RTN4RL2: variants seen among roughly 807,000 people sequenced by gnomAD.
The protein encoded by RTN4RL2 is reticulon-4 receptor-like 2.
RTN4RL2 carries 9 observed loss-of-function variants against 27.8 expected under a neutral mutation model. That is an observed-to-expected ratio of 0.32 (90% CI 0.20 to 0.57). RTN4RL2 has a LOEUF of 0.57. RTN4RL2 is among the 20% of genes least tolerant of loss of function. RTN4RL2 has a pLI of 0.90. For missense variants in RTN4RL2, 436 were observed against 596.8 expected (o/e 0.73, Z 2.81); for synonymous variants, 285 against 297.9 (o/e 0.96, Z 0.45).
At chr11:57,469,925 G>A (rs980817420) in intron 2 of RTN4RL2, among the ~76,000 whole-genome samples, 3 of 152,164 alleles carry the variant, frequency 2.0e-5, no homozygotes, top group South Asian at 2.1e-4. Flanking sequence ...CGGTGTGACC[G>A]GAGGCTTATG....
chr11:57,460,710 C>A lies in RTN4RL2; in HGVS notation c.-156C>A. On this transcript the variant is annotated 5_prime_UTR_variant, in exon 1 of 3. Coordinates refer to ENST00000335099, the MANE Select transcript of RTN4RL2 (RefSeq NM_178570.3). ...CTCCTCCCGAGGCCCGCAGCCCGGG[C>A]GGCGCAGGGTAGAGCGCCGCGGCCC... 1 of 340,610 alleles carries A rather than the reference C, an allele frequency of 2.9e-6. No individual in the cohort carries two copies. The highest frequency in any genetic ancestry group is 4.5e-5 in the East Asian group (1 of 22,374). 21.1% of individuals were successfully genotyped at this position (340,610 alleles called of 1,614,324 possible).
rs1424187305 is a variant in RTN4RL2, at chr11:57,467,760, C to T, written c.183C>T (p.Ser61=). Residue 61 remains serine (S), a synonymous_variant, in exon 2 of 3, where the codon AGC becomes AGT. Transcript: ENST00000335099. This position sits in a 1 kb window ranked among gnomAD's most constrained non-coding sequence, Gnocchi z 5.5. ...FSSVPLSLPP[S]TQRLFLQNNL... ...CTGTGCCGCTGTCCCTGCCACCCAGCACTCAGCGACTCTTCCTGCAGAACA... is the reference window on the plus strand; with the variant it reads ...CTGTGCCGCTGTCCCTGCCACCCAGTACTCAGCGACTCTTCCTGCAGAACA... 1 of 1,614,066 alleles carries T rather than the reference C, an allele frequency of 6.2e-7. No homozygotes were observed. Among genetic ancestry groups the T allele is most frequent in the African/African-American group, 1.3e-5 (1 of 75,036 alleles).
At chr11:57,465,419 C>T (rs1011296950) in intron 1 of RTN4RL2, among the ~76,000 whole-genome samples, 1 of 152,242 alleles carries the variant, frequency 6.6e-6, no homozygotes. Flanking sequence ...CTCAGTCTCT[C>T]CCAGGGTCTC....
chr11:57,467,579 C>T lies in RTN4RL2; in HGVS notation c.32-30C>T. On this transcript the variant is annotated intron_variant, in intron 1 of 2. Transcript: ENST00000335099. The surrounding 1 kb of genome is among the most constrained non-coding windows in gnomAD (Gnocchi z 5.5). The stretch of plus-strand genomic sequence containing the variant: ...CTGGCACTCCTGCCCTGGAAGCCCA[C>T]CTAGTAAGTTCTGCTTCCCCTCCCC... The T allele has an allele frequency of 6.4e-7, 1 of 1,573,448 alleles. No homozygotes were observed. The highest frequency in any genetic ancestry group is 8.6e-7 in the Non-Finnish European group (1 of 1,159,810).
chr11:57,468,422 C>G, intron 2 of RTN4RL2: 4 of 762,660 alleles, frequency 5.2e-6, no homozygotes, highest in Non-Finnish European at 8.5e-6. Flanking sequence ...ACTTGCCTCC[C>G]CCATCTGTCT....
chr11:57,470,639 C>G (rs1294428808), intron 2 of RTN4RL2, among the ~76,000 whole-genome samples: 3 of 150,444 alleles, frequency 2.0e-5, no homozygotes, highest in Non-Finnish European at 4.4e-5. Context: ...CACATATGGG[C>G]ACTATAATAA....
At chr11:57,470,549 T>A (rs1943556400) in intron 2 of RTN4RL2, among the ~76,000 whole-genome samples, 1 of 152,062 alleles carries the variant, frequency 6.6e-6, no homozygotes, top group Non-Finnish European at 1.5e-5. Flanking sequence ...GCCCAGCCAA[T>A]AATAATCCTT....
intron 1 of RTN4RL2, among the ~76,000 whole-genome samples, chr11:57,463,852 A>G (rs1590729959): frequency 2.0e-5 from 3 of 151,358 alleles, no homozygotes; most frequent in Admixed American, 1.3e-4. Context: ...TAGTCCCCCA[A>G]CCCCCCAGTC....
chr11:57,466,070 G>A (rs1262543093), intron 1 of RTN4RL2, among the ~76,000 whole-genome samples: 8 of 145,214 alleles, frequency 5.5e-5, no homozygotes, highest in South Asian at 4.4e-4. Flanking sequence ...GTGCGATCTC[G>A]GCTCACTGCA....
intron 1 of RTN4RL2, among the ~76,000 whole-genome samples, chr11:57,463,940 C>T (rs980366896): frequency 1.3e-5 from 2 of 152,220 alleles, no homozygotes; most frequent in African/African-American, 4.8e-5. Context: ...CCTCCCCTCC[C>T]CTCCTCCTTG....
intron 2 of RTN4RL2, among the ~76,000 whole-genome samples, chr11:57,473,181 T>C (rs1046312024): frequency 6.6e-6 from 1 of 151,902 alleles, no homozygotes; most frequent in African/African-American, 2.4e-5. Context: ...TGGCACAGAG[T>C]AGACACTCGG....
In RTN4RL2 at chr11:57,467,613, C is replaced by T. The variant is rs759057316; in HGVS notation, c.36C>T (p.Pro12=). 15 of 1,604,306 alleles carry T rather than the reference C, an allele frequency of 9.3e-6. No homozygotes were observed. Among genetic ancestry groups the T allele is most frequent in the East Asian group, 2.2e-5 (1 of 44,762 alleles). Residue 12 remains proline (P), a synonymous_variant, in exon 2 of 3, where the codon CCC becomes CCT. Transcript: ENST00000335099. The surrounding 1 kb of genome is among the most constrained non-coding windows in gnomAD (Gnocchi z 5.5). ...TTCTGCTTCCCCTCCCCACAGCTCC[C>T]GCCTCGGCCTGCCTCCTGCTGATGC... ...LPGLRRLLQA[P]ASACLLLMLL... is the part of the protein sequence containing the mutation.
chr11:57,465,165 GGA>G (rs1328433864), intron 1 of RTN4RL2, among the ~76,000 whole-genome samples: 3 of 152,230 alleles, frequency 2.0e-5, no homozygotes, highest in Non-Finnish European at 4.4e-5. Flanking sequence ...CTCTGGAGGA[GGA>G]ACACCAGGGC....
Position 57,476,383 on chromosome 11 carries a change from G to A in RTN4RL2, c.735G>A (p.Glu245=), listed in dbSNP as rs1322178831. 3 of 1,606,762 alleles carry A rather than the reference G, an allele frequency of 1.9e-6. No homozygotes were observed. In the Admixed American group the frequency reaches 5.0e-5, roughly 27 times the overall value. ...ACAGCCTGGCCTCGCTGCCCGGCGA[G>A]GCGCTCGCCGACCTGCCCTCGCTCG... ...FNNSLASLPG[E]ALADLPSLEF... The change falls in exon 3 of 3, where the codon GAG becomes GAA. Residue 245 remains glutamate (E), a synonymous_variant. Coordinates refer to ENST00000335099, the MANE Select transcript of RTN4RL2 (RefSeq NM_178570.3). This position sits in a 1 kb window ranked among gnomAD's most constrained non-coding sequence, Gnocchi z 8.2.
intron 2 of RTN4RL2, among the ~76,000 whole-genome samples, chr11:57,470,216 A>G (rs1329178484): frequency 6.6e-6 from 1 of 152,004 alleles, no homozygotes. Flanking sequence ...CCATTTCCTC[A>G]TCTCTAAAAT....
At chr11:57,465,970 A>G (rs1417127763) in intron 1 of RTN4RL2, among the ~76,000 whole-genome samples, 4 of 147,046 alleles carry the variant, frequency 2.7e-5, no homozygotes, top group Non-Finnish European at 4.5e-5. Flanking sequence ...TGAGCAACAT[A>G]GCAAGACCCC....
intron 2 of RTN4RL2, among the ~76,000 whole-genome samples, chr11:57,473,460 A>G (rs1565116353): frequency 6.6e-6 from 1 of 152,046 alleles, no homozygotes; most frequent in Non-Finnish European, 1.5e-5. Flanking sequence ...CTGTGTTAAG[A>G]TTCCAAATGG....
In RTN4RL2 at chr11:57,467,795, G is replaced by A. The variant is rs537129988; in HGVS notation, c.218G>A (p.Arg73His). The A allele has an allele frequency of 2.0e-4, 324 of 1,613,950 alleles. 4 individuals are homozygous for A. The South Asian group carries it at 3.0e-3, about 15-fold the overall frequency. The change falls in exon 2 of 3, where the codon CGC (arginine) becomes CAC (histidine). Residue 73 changes from arginine to histidine, a missense_variant. Coordinates refer to ENST00000335099, the MANE Select transcript of RTN4RL2 (RefSeq NM_178570.3). This position sits in a 1 kb window ranked among gnomAD's most constrained non-coding sequence, Gnocchi z 5.5. ...CTCTTCCTGCAGAACAACCTCATCCGCACGCTGCGGCCAGGCACCTTTGGG... is the reference window on the plus strand; with the variant it reads ...CTCTTCCTGCAGAACAACCTCATCCACACGCTGCGGCCAGGCACCTTTGGG... ...QRLFLQNNLI[R>H]TLRPGTFGSN...
chr11:57,476,735 G>A lies in RTN4RL2; in HGVS notation c.1087G>A (p.Asp363Asn), dbSNP rs774044864. Reference sequence around the variant, plus strand: ...AGACTCGCGGGGGCGCCAGGGCGGGGACGCGCCTACTGAGGACGACTACTG... The same window carrying A: ...AGACTCGCGGGGGCGCCAGGGCGGGAACGCGCCTACTGAGGACGACTACTG... ...AEDSRGRQGG[D>N]APTEDDYWGG... The change falls in exon 3 of 3, where the codon GAC becomes AAC. Residue 363 changes from aspartate to asparagine, a missense_variant. Asp to Asn is a conservative substitution (Grantham distance 23). This residue lies in a region of RTN4RL2 where 365 missense variants were observed against 530.5 expected (regional missense o/e 0.69). Coordinates refer to ENST00000335099, the MANE Select transcript of RTN4RL2 (RefSeq NM_178570.3). The surrounding 1 kb of genome is among the most constrained non-coding windows in gnomAD (Gnocchi z 8.2). 2.8e-6 allele frequency: 4 copies of A among 1,442,312 alleles called. No individual in the cohort carries two copies. Among genetic ancestry groups the A allele is most frequent in the Non-Finnish European group, 3.6e-6 (4 of 1,105,450 alleles). 89.3% of individuals were successfully genotyped at this position (1,442,312 alleles called of 1,614,324 possible).
Sources: allele counts gnomAD v4.1 joint callset (sites outside exome capture counted in the v4.1 genomes callset), GRCh38; gene constraint gnomAD v4.1.1; regional missense constraint gnomAD v4.1.1; non-coding constraint Gnocchi (gnomAD v3.1); transcripts MANE v1.5; gene names NCBI Gene and HGNC (gene_info 2026-07-23, HGNC 2026-07-21).